Variants in RHAG observed in about 807,000 individuals in gnomAD.
RHAG encodes the protein Rh associated glycoprotein.
RHAG carries 25 observed loss-of-function variants against 42.4 expected under a neutral mutation model. The observed-to-expected ratio is 0.59, with a 90% CI of 0.43 to 0.82. The LOEUF is 0.82. Among genes scored for constraint, RHAG ranks in the 40% least tolerant of loss-of-function variants. The pLI is 0.00. For missense variants in RHAG, 483 were observed against 504.6 expected (o/e 0.96, Z 0.41); for synonymous variants, 182 against 177.7 (o/e 1.02, Z -0.19).
rs2127348963 is a variant in RHAG at position 49,605,850 on chromosome 6, A to C, written c.1213-20T>G. On this transcript the variant is annotated intron_variant, in intron 9 of 9. Coordinates refer to ENST00000371175, the MANE Select transcript of RHAG (RefSeq NM_000324.3). ...AGGGACCTTTAAAAAAACAAGTTTG[A>C]GGGCACTTAATAGTTTATTTCACTG... is the stretch of plus-strand genomic sequence containing the variant. 6.2e-7 allele frequency: 1 copy of C among 1,602,514 alleles called. No homozygotes were observed. The highest frequency in any genetic ancestry group is 1.7e-4 in the Middle Eastern group (1 of 6,034).
rs780792283 is a variant in RHAG at position 49,614,733 on chromosome 6, G to A, written c.761C>T (p.Ala254Val). The change falls in exon 5 of 10, where the codon GCC becomes GTC. Residue 254 changes from alanine to valine, a missense_variant. Coordinates refer to ENST00000371175, the MANE Select transcript of RHAG (RefSeq NM_000324.3). ...CTCCACTAGGCTGGAGAAGGCAAAG[G>A]CTGTGAGCACACAGGCAGCGAGAGA... ...YFSLAACVLT[A>V]FAFSSLVEHR... 6.2e-7 allele frequency: 1 copy of A among 1,614,054 alleles called. No individual in the cohort carries two copies. Among genetic ancestry groups the A allele is most frequent in the East Asian group, 2.2e-5 (1 of 44,858 alleles).
intron 1 of RHAG, 84 bp from the exon 2 acceptor site, chr6:49,619,446 G>A: frequency 8.1e-7 from 1 of 1,230,318 alleles, no homozygotes; most frequent in South Asian, 1.3e-5. Context: ...CTTATTAAGT[G>A]CTACCACCTT....
At chr6:49,608,287 G>A (rs1402084679) in intron 7 of RHAG, among the ~76,000 whole-genome samples, 1 of 152,098 alleles carries the variant, frequency 6.6e-6, no homozygotes, top group East Asian at 1.9e-4. Context: ...TAAAAATGCT[G>A]TGAGAACATC....
intron 6 of RHAG, among the ~76,000 whole-genome samples, chr6:49,611,369 C>T (rs1762566333): frequency 6.6e-6 from 1 of 152,080 alleles, no homozygotes; most frequent in African/African-American, 2.4e-5. Context: ...TACATAGTTA[C>T]TTTTATTGTT....
chr6:49,608,133 G>T (rs1472529596), intron 7 of RHAG, among the ~76,000 whole-genome samples: 1 of 152,082 alleles, frequency 6.6e-6, no homozygotes, highest in Non-Finnish European at 1.5e-5. Flanking sequence ...ATAAAAACAT[G>T]TATTTTTATT....
intron 1 of RHAG, among the ~76,000 whole-genome samples, chr6:49,635,837 T>C (rs1763002680): frequency 6.6e-6 from 1 of 152,168 alleles, no homozygotes; most frequent in South Asian, 2.1e-4. Context: ...ATTATACCAT[T>C]TTAAATAATT....
At position 49,619,502 on chromosome 6, in the gene RHAG, G is replaced by C. The variant is rs984529122; in HGVS notation, c.158-140C>G. The C allele has an allele frequency of 1.0e-5, 9 of 874,410 alleles. No homozygotes were observed. The African/African-American group carries it at 1.5e-4, about 15-fold the overall frequency. The allele number at this position is 874,410 out of a possible 1,614,324, so 54.2% of individuals were successfully genotyped here. A position where few individuals can be genotyped will look rare whatever the true frequency, so the allele number is the denominator to read the frequency against. ...GAGAGCATTTAACTGGGAAGCAAAAGTCTTGTTCCAATGCCAGCTTGACTA... is the reference window on the plus strand; with the variant it reads ...GAGAGCATTTAACTGGGAAGCAAAACTCTTGTTCCAATGCCAGCTTGACTA... On this transcript the variant is annotated intron_variant, in intron 1 of 9. Coordinates refer to ENST00000371175, the MANE Select transcript of RHAG (RefSeq NM_000324.3).
chr6:49,613,495 T>A (rs1762600699), intron 5 of RHAG, among the ~76,000 whole-genome samples: 1 of 152,208 alleles, frequency 6.6e-6, no homozygotes, highest in Admixed American at 6.5e-5. Context: ...TCCTTTTCAT[T>A]GTTTTTAATG....
intron 1 of RHAG, among the ~76,000 whole-genome samples, chr6:49,625,585 T>C (rs1256495094): frequency 6.6e-6 from 1 of 152,200 alleles, no homozygotes; most frequent in Non-Finnish European, 1.5e-5. Flanking sequence ...CCTGACAGGA[T>C]ACAATTTCAC....
Position 49,627,178 on chromosome 6 carries a change from C to G in RHAG, c.158-7816G>C, listed in dbSNP as rs577648451. On this transcript the variant is annotated intron_variant, in intron 1 of 9. Coordinates refer to ENST00000371175, the MANE Select transcript of RHAG (RefSeq NM_000324.3). ...TTCTGCAGCTGTCTTAAATTTCTCC[C>G]CAAGAAATGGGTTTTTGTTTTCTAC... 1.8e-3 allele frequency among the ~76,000 whole-genome samples: 271 copies of G among 152,298 alleles called. 3 individuals carry two copies. Among genetic ancestry groups the G allele is most frequent in the Non-Finnish European group, 1.8e-3 (121 of 68,006 alleles).
At chr6:49,616,045 T>G (rs1386090551) in intron 3 of RHAG, among the ~76,000 whole-genome samples, 3 of 152,168 alleles carry the variant, frequency 2.0e-5, no homozygotes, top group African/African-American at 7.2e-5. Context: ...ATCTAAGGAT[T>G]CTGTAAAATG....
chr6:49,607,013 C>A lies in RHAG; in HGVS notation c.1139-92G>T, dbSNP rs530857508. Reference sequence around the variant, plus strand: ...CTTATATACTATTATAAAATCATCCCCTTTAAATGACATAATTACTTTACT... The same window carrying A: ...CTTATATACTATTATAAAATCATCCACTTTAAATGACATAATTACTTTACT... On this transcript the variant is annotated intron_variant, in intron 8 of 9. Coordinates refer to ENST00000371175, the MANE Select transcript of RHAG (RefSeq NM_000324.3). 4 of 1,202,344 alleles carry A rather than the reference C, an allele frequency of 3.3e-6. No individual in the cohort carries two copies. In the East Asian group the frequency reaches 9.7e-5, roughly 29 times the overall value. The allele number at this position is 1,202,344 out of a possible 1,614,324, so 74.5% of individuals were successfully genotyped here. A position where few individuals can be genotyped will look rare whatever the true frequency, so the allele number is the denominator to read the frequency against.
In RHAG at chr6:49,626,075, G is replaced by A. The variant is rs573035327; in HGVS notation, c.158-6713C>T. ...AGAACTACAATTCAAGATGAGATTT[G>A]AGTGGGAACACAGACAAACCATCTC... On this transcript the variant is annotated intron_variant, in intron 1 of 9. Coordinates refer to ENST00000371175, the MANE Select transcript of RHAG (RefSeq NM_000324.3). Among the ~76,000 whole-genome samples the A allele has an allele frequency of 1.9e-4, 29 of 152,256 alleles. No individual in the cohort carries two copies. The East Asian group carries it at 5.4e-3, about 28-fold the overall frequency.
At chr6:49,625,163 T>C (rs538930078) in intron 1 of RHAG, among the ~76,000 whole-genome samples, 7 of 152,346 alleles carry the variant, frequency 4.6e-5, no homozygotes, top group African/African-American at 1.7e-4. Flanking sequence ...CTGATGTTAG[T>C]GAAGACCAAG....
chr6:49,615,540 G>A, intron 4 of RHAG, 84 bp downstream of exon 4: 1 of 1,441,810 alleles, frequency 6.9e-7, no homozygotes, highest in Non-Finnish European at 9.7e-7. Flanking sequence ...TGTTCTTTTT[G>A]AGCATCTCAC....
intron 1 of RHAG, among the ~76,000 whole-genome samples, chr6:49,627,964 TAACTC>T (rs1362311183): frequency 6.6e-6 from 1 of 152,188 alleles, no homozygotes; most frequent in Non-Finnish European, 1.5e-5. Context: ...TATCACTTAA[TAACTC>T]AACATGTTAA....
intron 1 of RHAG, among the ~76,000 whole-genome samples, chr6:49,634,170 T>C (rs565168874): frequency 1.2e-4 from 18 of 152,156 alleles, no homozygotes; most frequent in Non-Finnish European, 1.9e-4. Flanking sequence ...AAATATACAA[T>C]ATGTTGTTGC....
At chr6:49,606,767 C>T (rs964287655) in intron 9 of RHAG, 81 bp downstream of exon 9, 2 of 968,644 alleles carry the variant, frequency 2.1e-6, no homozygotes, top group African/African-American at 1.6e-5. Flanking sequence ...CCTATGCACA[C>T]AGATATCTAG....
intron 1 of RHAG, among the ~76,000 whole-genome samples, chr6:49,635,762 A>C (rs901085680): frequency 6.6e-6 from 1 of 152,170 alleles, no homozygotes; most frequent in Non-Finnish European, 1.5e-5. Flanking sequence ...AAATGTTGGA[A>C]TAAAAAAAAG....
Sources: gnomAD v4.1 joint callset for allele counts (sites outside exome capture counted in the v4.1 genomes callset) on GRCh38, gnomAD v4.1.1 for gene constraint, MANE v1.5 for transcripts, NCBI Gene and HGNC (gene_info 2026-07-23, HGNC 2026-07-21) for gene names.